Variants in SAMD3 observed in about 807,000 individuals in gnomAD.
SAMD3 encodes sterile alpha motif domain-containing protein 3.
A neutral mutation model predicts 58.5 loss-of-function variants in SAMD3; 63 were observed. The observed-to-expected ratio is 1.08, with a 90% CI of 0.88 to 1.33. The LOEUF (loss-of-function observed/expected upper bound fraction) is 1.33. Among genes scored for constraint, SAMD3 ranks in the 40% most tolerant of loss-of-function variants. The pLI is 0.00. For synonymous variants in SAMD3, 220 were observed against 210.3 expected, an observed-to-expected ratio of 1.05 and a Z score of -0.40; for missense variants, 604 against 608.4, an observed-to-expected ratio of 0.99 and a Z score of 0.08.
intron 2 of SAMD3, among the ~76,000 whole-genome samples, chr6:130,309,792 T>C (rs986583125): frequency 6.6e-6 from 1 of 152,218 alleles, no homozygotes; most frequent in Non-Finnish European, 1.5e-5. Flanking sequence ...TGTCCTTGAC[T>C]GTCCTCTGCT....
intron 2 of SAMD3, among the ~76,000 whole-genome samples, chr6:130,310,730 G>GT (rs1562514672): frequency 1.3e-5 from 2 of 152,132 alleles, no homozygotes; most frequent in African/African-American, 4.8e-5. Flanking sequence ...TGCAGACTGC[G>GT]TATCTCAGAG....
At position 130,292,267 on chromosome 6, in the gene SAMD3, C is replaced by CTT. The variant is rs1554271698; in HGVS notation, c.-188+20709_-188+20710dup. Among the ~76,000 whole-genome samples the CTT allele has an allele frequency of 1.7e-3, 146 of 83,898 alleles. 1 individual carries two copies. The highest frequency in any genetic ancestry group is 4.9e-3 in the African/African-American group (127 of 25,768). The allele number at this position is 83,898 out of a possible 152,430, so 55.0% of individuals were successfully genotyped here. ...CTCAGGAATAACTTTTTTTTTCTTT[C>CTT]TTTCTTTTTTTTTTTTTTTTGAGAC... On this transcript the variant is annotated intron_variant, in intron 2 of 13. Transcript: ENST00000368134.
At chr6:130,308,411 TTC>T (rs1776015638) in intron 2 of SAMD3, among the ~76,000 whole-genome samples, 1 of 125,898 alleles carries the variant, frequency 7.9e-6, no homozygotes, top group African/African-American at 3.9e-5. Context: ...TTCTATTCTA[TTC>T]TATTCTATTC....
intron 2 of SAMD3, among the ~76,000 whole-genome samples, chr6:130,291,271 G>A (rs1004918394): frequency 1.3e-5 from 2 of 151,972 alleles, no homozygotes; most frequent in African/African-American, 2.4e-5. Flanking sequence ...TTTATATTTT[G>A]TTTTTGTATT....
chr6:130,235,815 G>A (rs1458743320), intron 2 of SAMD3, among the ~76,000 whole-genome samples: 1 of 152,134 alleles, frequency 6.6e-6, no homozygotes, highest in African/African-American at 2.4e-5. Context: ...AGAATAACAA[G>A]AGTAACATTT....
intron 2 of SAMD3, among the ~76,000 whole-genome samples, chr6:130,302,168 A>G (rs1051382826): frequency 3.3e-5 from 5 of 152,222 alleles, no homozygotes; most frequent in African/African-American, 1.2e-4. Flanking sequence ...TAGAATAAAC[A>G]GACAACCTCC....
At chr6:130,332,042 A>T (rs1776949810) in intron 1 of SAMD3, among the ~76,000 whole-genome samples, 2 of 152,218 alleles carry the variant, frequency 1.3e-5, no homozygotes, top group Admixed American at 1.3e-4. Flanking sequence ...TGGATTAGTT[A>T]GGAGGCTATG....
Position 130,146,045 on chromosome 6 carries a change from T to C in SAMD3, c.1160A>G (p.Lys387Arg). Reference sequence around the variant, plus strand: ...GTCTTCATCTGTGTAATGTTTCATTTTTTCTTGCAATACAATATTGATTGG... The same window carrying C: ...GTCTTCATCTGTGTAATGTTTCATTCTTTCTTGCAATACAATATTGATTGG... ...DNPINIVLQE[K>R]MKHYTDEDML... The change falls in exon 10 of 12, where the codon AAA becomes AGA. Residue 387 changes from lysine to arginine, a missense_variant. Physicochemically the swap from Lys to Arg is conservative, Grantham distance 26. Transcript: ENST00000439090. 1 of 1,574,522 alleles carries C rather than the reference T, an allele frequency of 6.4e-7. No individual in the cohort carries two copies. The highest frequency in any genetic ancestry group is 8.6e-7 in the Non-Finnish European group (1 of 1,163,360).
chr6:130,256,362 C>A (rs185690947), intron 2 of SAMD3, among the ~76,000 whole-genome samples: 1 of 152,120 alleles, frequency 6.6e-6, no homozygotes, highest in Non-Finnish European at 1.5e-5. Context: ...GAATCTGAGA[C>A]GACCACATGT....
At chr6:130,206,038 T>C (rs965729866) in intron 5 of SAMD3, among the ~76,000 whole-genome samples, 1 of 152,068 alleles carries the variant, frequency 6.6e-6, no homozygotes, top group African/African-American at 2.4e-5. Flanking sequence ...AGATAGGACA[T>C]TGGAGGGGAG....
intron 5 of SAMD3, among the ~76,000 whole-genome samples, chr6:130,197,168 A>G (rs1794206134): frequency 6.6e-6 from 1 of 152,226 alleles, no homozygotes; most frequent in Non-Finnish European, 1.5e-5. Flanking sequence ...GGTACAGCCC[A>G]TTTGAGCTCC....
At chr6:130,281,328 T>C (rs1774973744) in intron 2 of SAMD3, among the ~76,000 whole-genome samples, 1 of 152,240 alleles carries the variant, frequency 6.6e-6, no homozygotes, top group Non-Finnish European at 1.5e-5. Flanking sequence ...TTTTATAGTA[T>C]AAAGTTATTA....
upstream of SAMD3, among the ~76,000 whole-genome samples, chr6:130,223,943 G>T (rs1263180534): frequency 6.6e-6 from 1 of 152,162 alleles, no homozygotes; most frequent in Non-Finnish European, 1.5e-5. Context: ...TGTATCCCAA[G>T]GTTCTTGCCT....
At chr6:130,353,439 T>C (rs1777739153) in intron 1 of SAMD3, among the ~76,000 whole-genome samples, 1 of 152,212 alleles carries the variant, frequency 6.6e-6, no homozygotes, top group African/African-American at 2.4e-5. Flanking sequence ...ATTTTATATT[T>C]TGAAATGGGT....
intron 2 of SAMD3, among the ~76,000 whole-genome samples, chr6:130,244,767 AAAAATAAAAATAAAAAT>A (rs1773485303): frequency 6.6e-6 from 1 of 151,556 alleles, no homozygotes; most frequent in African/African-American, 2.4e-5. Flanking sequence ...AAATAAAAAT[AAAAATAAAAATAAAAAT>A]AAAGCACAAT....
intron 1 of SAMD3, among the ~76,000 whole-genome samples, chr6:130,337,315 C>T (rs1358102417): frequency 3.9e-5 from 6 of 152,188 alleles, no homozygotes; most frequent in Non-Finnish European, 5.9e-5. Context: ...GCCTGCTTCC[C>T]CTTCCACCAT....
intron 2 of SAMD3, among the ~76,000 whole-genome samples, chr6:130,294,853 T>C (rs538173464): frequency 6.6e-6 from 1 of 151,766 alleles, no homozygotes; most frequent in South Asian, 2.1e-4. Context: ...ATTGTATTTC[T>C]TTCCTATAAT....
At chr6:130,362,187 A>G (rs545133783) in intron 1 of SAMD3, among the ~76,000 whole-genome samples, 2 of 152,354 alleles carry the variant, frequency 1.3e-5, no homozygotes, top group African/African-American at 4.8e-5. Flanking sequence ...GCCCTAGTGC[A>G]GTGCTTTTCA....
chr6:130,281,214 G>A (rs1383470104), intron 2 of SAMD3, among the ~76,000 whole-genome samples: 1 of 152,180 alleles, frequency 6.6e-6, no homozygotes, highest in Non-Finnish European at 1.5e-5. Flanking sequence ...ATTATGGAAA[G>A]CAATACTGTG....
Sources: gnomAD v4.1 joint callset for allele counts (sites outside exome capture counted in the v4.1 genomes callset) on GRCh38, gnomAD v4.1.1 for gene constraint, MANE v1.5 for transcripts, NCBI Gene and HGNC (gene_info 2026-07-23, HGNC 2026-07-21) for gene names.